NAALADL2: variants seen among roughly 807,000 people sequenced by gnomAD.
NAALADL2 encodes the protein N-acetylated alpha-linked acidic dipeptidase like 2.
NAALADL2 carries 76 observed loss-of-function variants against 87.2 expected under a neutral mutation model. The observed-to-expected ratio is 0.87, with a 90% confidence interval of 0.72 to 1.05. The LOEUF is 1.05. NAALADL2 is among the 50% of genes least tolerant of loss of function. The pLI is 0.00. For synonymous variants in NAALADL2, 354 were observed against 331.0 expected, an observed-to-expected ratio of 1.07 and a Z score of -0.75; for missense variants, 1,089 against 945.8, an observed-to-expected ratio of 1.15 and a Z score of -1.99.
chr3:174,722,217 T>C (rs1463929877), intron 2 of NAALADL2, among the ~76,000 whole-genome samples: 7 of 152,226 alleles, frequency 4.6e-5, no homozygotes, highest in East Asian at 1.9e-4. Flanking sequence ...TCCCAACTCA[T>C]GTTTGTCCTT....
chr3:175,332,876 A>G (rs1029505788), intron 5 of NAALADL2, among the ~76,000 whole-genome samples: 1 of 152,182 alleles, frequency 6.6e-6, no homozygotes, highest in African/African-American at 2.4e-5. Flanking sequence ...TTTAGATCTA[A>G]TAATGCATGC....
At chr3:174,493,340 TG>T (rs1245641136) in intron 1 of NAALADL2, among the ~76,000 whole-genome samples, 1 of 152,120 alleles carries the variant, frequency 6.6e-6, no homozygotes, top group East Asian at 1.9e-4. Context: ...GACATAGGCA[TG>T]ATTATATAAA....
chr3:175,142,190 T>G (rs1308895408), intron 2 of NAALADL2, among the ~76,000 whole-genome samples: 1 of 152,080 alleles, frequency 6.6e-6, no homozygotes, highest in African/African-American at 2.4e-5. Flanking sequence ...TTGAATAAAT[T>G]TAACCATTTT....
intron 13 of NAALADL2, among the ~76,000 whole-genome samples, chr3:175,771,059 T>C (rs979033542): frequency 6.6e-6 from 1 of 152,200 alleles, no homozygotes. Context: ...GAATTAAATA[T>C]GTAGTAAAAT....
At chr3:174,472,071 T>G (rs1213949982) in intron 1 of NAALADL2, among the ~76,000 whole-genome samples, 1 of 152,138 alleles carries the variant, frequency 6.6e-6, no homozygotes, top group Non-Finnish European at 1.5e-5. Flanking sequence ...GAAGCAAGAT[T>G]TATTTTTCCA....
At position 175,187,054 on chromosome 3, in the gene NAALADL2, G is replaced by C. The variant is rs1431975819; in HGVS notation, c.546-46877G>C. On this transcript the variant is annotated intron_variant, in intron 2 of 13. Transcript: ENST00000454872. ...ATTCAAAAAGCTAGGTGATTTCAGA[G>C]AGCCAGTATTTCTGGTAGACACTGC... 2.0e-5 allele frequency among the ~76,000 whole-genome samples: 3 copies of C among 152,052 alleles called. No individual in the cohort carries two copies. In the East Asian group the frequency reaches 5.8e-4, roughly 29 times the overall value.
intron 4 of NAALADL2, among the ~76,000 whole-genome samples, chr3:175,289,126 G>A (rs916567804): frequency 9.3e-6 from 1 of 107,308 alleles, no homozygotes; most frequent in Admixed American, 9.4e-5. Context: ...TAATTTTTAT[G>A]ATGCAATAAT....
At chr3:175,260,106 T>C (rs1163125355) in intron 4 of NAALADL2, among the ~76,000 whole-genome samples, 4 of 152,198 alleles carry the variant, frequency 2.6e-5, no homozygotes. Context: ...ACAAAGCAAG[T>C]TTCTTTGTAT....
At position 174,683,187 on chromosome 3, in the gene NAALADL2, G is replaced by A. The variant is rs552057866; in HGVS notation, c.-114-54454G>A. On this transcript the variant is annotated intron_variant, in intron 2 of 3. Coordinates refer to the NAALADL2 transcript ENST00000434257. ...AAAGAATTAGTGAGCTTGAAGACAC[G>A]CAATTTGAAAATACAAAGTCAGAGG... 2.0e-5 allele frequency among the ~76,000 whole-genome samples: 3 copies of A among 152,190 alleles called. No individual in the cohort carries two copies. The East Asian group carries it at 5.8e-4, about 29-fold the overall frequency.
chr3:174,459,304 A>G (rs2108288466), intron 1 of NAALADL2: 1 of 152,264 alleles, frequency 6.6e-6, no homozygotes, highest in East Asian at 1.9e-4. Flanking sequence ...TTAAAGAGAA[A>G]AGGCCCAGGT....
At chr3:175,302,140 A>AT (rs1315374999) in intron 4 of NAALADL2, among the ~76,000 whole-genome samples, 1 of 152,176 alleles carries the variant, frequency 6.6e-6, no homozygotes, top group Non-Finnish European at 1.5e-5. Context: ...CCGATCTATA[A>AT]TTCTCTATTA....
chr3:174,748,181 G>A (rs1359619604), intron 3 of NAALADL2, among the ~76,000 whole-genome samples: 2 of 152,180 alleles, frequency 1.3e-5, no homozygotes, highest in African/African-American at 4.8e-5. Flanking sequence ...GGGAGGGAGA[G>A]CATTAGGATA....
At chr3:175,052,206 G>A (rs972606764) in intron 1 of NAALADL2, among the ~76,000 whole-genome samples, 2 of 152,202 alleles carry the variant, frequency 1.3e-5, no homozygotes, top group African/African-American at 4.8e-5. Flanking sequence ...ATTGTTTGTG[G>A]TTTAAGAACA....
At chr3:174,562,500 G>C (rs1713750065) in intron 2 of NAALADL2, among the ~76,000 whole-genome samples, 1 of 152,068 alleles carries the variant, frequency 6.6e-6, no homozygotes, top group African/African-American at 2.4e-5. Context: ...GGTAGAGTAA[G>C]ATATCCAGAC....
chr3:175,107,456 A>G (rs1353071982), intron 2 of NAALADL2, among the ~76,000 whole-genome samples: 1 of 151,396 alleles, frequency 6.6e-6, no homozygotes, highest in East Asian at 1.9e-4. Context: ...GTGTGAGTCA[A>G]CTCTTTAAAA....
At position 175,602,205 on chromosome 3, in the gene NAALADL2, A is replaced by G. The variant is rs182266440; in HGVS notation, c.1801-25086A>G. On this transcript the variant is annotated intron_variant, in intron 10 of 13. Coordinates refer to ENST00000454872, the MANE Select transcript of NAALADL2 (RefSeq NM_207015.3). ...GATAGGAAAATAAAAGACAAGGCAG[A>G]GAGGTATGATATAGTTTAGTATACA... 3.9e-5 allele frequency among the ~76,000 whole-genome samples: 6 copies of G among 152,282 alleles called. No individual in the cohort carries two copies. In the East Asian group the frequency reaches 1.2e-3, roughly 29 times the overall value.
chr3:175,276,390 C>T (rs1452551058), intron 4 of NAALADL2, among the ~76,000 whole-genome samples: 1 of 151,468 alleles, frequency 6.6e-6, no homozygotes, highest in East Asian at 1.9e-4. Flanking sequence ...ACCTCCACCT[C>T]CCAGGTTCAA....
intron 5 of NAALADL2, among the ~76,000 whole-genome samples, chr3:175,324,827 CA>C (rs1024450500): frequency 8.5e-5 from 13 of 152,158 alleles, no homozygotes; most frequent in Non-Finnish European, 1.3e-4. Flanking sequence ...GAAGGGACCT[CA>C]TTGTTTTGGC....
chr3:174,800,066 A>C (rs1377316439), intron 3 of NAALADL2, among the ~76,000 whole-genome samples: 1 of 152,318 alleles, frequency 6.6e-6, no homozygotes, highest in Non-Finnish European at 1.5e-5. Context: ...AAAGGCATTC[A>C]GTTTTAAAAG....
Sources: gnomAD v4.1 joint callset for allele counts (sites outside exome capture counted in the v4.1 genomes callset) on GRCh38, gnomAD v4.1.1 for gene constraint, MANE v1.5 for transcripts, NCBI Gene and HGNC (gene_info 2026-07-23, HGNC 2026-07-21) for gene names.